The following JAK2 variants were observed in gnomAD, a reference collection of about 807,000 sequenced individuals.
JAK2 encodes the protein Janus kinase 2.
JAK2 carries 86 observed loss-of-function variants against 139.3 expected under a neutral mutation model. The observed-to-expected ratio is 0.62, with a 90% CI of 0.52 to 0.74. The LOEUF (loss-of-function observed/expected upper bound fraction) is 0.74, where lower values mean the gene tolerates loss of function less well. Ranked by LOEUF, JAK2 falls within the 30% of genes least tolerant of loss-of-function variation. JAK2 has a pLI of 0.00. For missense variants in JAK2, 1,421 were observed against 1,360.3 expected (o/e 1.04, Z -0.70); for synonymous variants, 490 against 437.7 (o/e 1.12, Z -1.49).
At chr9:5,065,372 G>A (rs1818496412) in intron 9 of JAK2, among the ~76,000 whole-genome samples, 1 of 152,260 alleles carries the variant, frequency 6.6e-6, no homozygotes, top group East Asian at 1.9e-4. Context: ...AAGCCACAGT[G>A]CAAAATTTGA....
intron 2 of JAK2, among the ~76,000 whole-genome samples, chr9:5,015,531 T>C (rs568973926): frequency 2.6e-5 from 2 of 76,158 alleles, no homozygotes; most frequent in African/African-American, 1.3e-4. Flanking sequence ...CTTTTTCTTT[T>C]TCTTTTCTTT....
chr9:4,992,262 T>A (rs1045535982), intron 2 of JAK2, among the ~76,000 whole-genome samples: 3 of 152,172 alleles, frequency 2.0e-5, no homozygotes, highest in African/African-American at 7.2e-5. Context: ...TATGGTGGCT[T>A]CAGGGTGGTC....
chr9:5,037,090 CA>C (rs1248112431), intron 4 of JAK2, among the ~76,000 whole-genome samples: 1 of 152,064 alleles, frequency 6.6e-6, no homozygotes, highest in Non-Finnish European at 1.5e-5. Flanking sequence ...TTTATGCAGC[CA>C]AAAGACATGA....
intron 2 of JAK2, among the ~76,000 whole-genome samples, chr9:4,995,802 G>A (rs1358970623): frequency 2.6e-5 from 4 of 152,044 alleles, no homozygotes; most frequent in Admixed American, 2.0e-4. Flanking sequence ...CTCTATTTCT[G>A]ATTTTAAACT....
At chr9:5,047,203 A>G (rs909485467) in intron 5 of JAK2, among the ~76,000 whole-genome samples, 16 of 152,176 alleles carry the variant, frequency 1.1e-4, no homozygotes, top group Admixed American at 3.3e-4. Flanking sequence ...ATTTTATATT[A>G]TATGCATGTT....
chr9:5,037,565 G>C (rs1376233025), intron 4 of JAK2, among the ~76,000 whole-genome samples: 1 of 152,156 alleles, frequency 6.6e-6, no homozygotes, highest in Non-Finnish European at 1.5e-5. Context: ...TAGGGACATG[G>C]ATGAAGCTGG....
In JAK2 at chr9:5,126,719, T is replaced by C. The variant is rs779671643; in HGVS notation, c.3327T>C (p.Asn1109=). 1.9e-6 allele frequency: 3 copies of C among 1,611,076 alleles called. No homozygotes were observed. Among genetic ancestry groups the C allele is most frequent in the Non-Finnish European group, 2.5e-6 (3 of 1,177,750 alleles). Residue 1109 remains asparagine (N), a synonymous_variant, in exon 25 of 25, where the codon AAT becomes AAC. Coordinates refer to ENST00000381652, the MANE Select transcript of JAK2 (RefSeq NM_004972.4). ...YMIMTECWNN[N]VNQRPSFRDL... is the part of the protein sequence containing the mutation. The stretch of plus-strand genomic sequence containing the variant: ...TCATGACAGAATGCTGGAACAATAA[T>C]GTAAATCAACGCCCCTCCTTTAGGG...
chr9:5,060,231 T>C (rs757934245), intron 8 of JAK2, among the ~76,000 whole-genome samples: 2 of 152,342 alleles, frequency 1.3e-5, no homozygotes, highest in Middle Eastern at 3.4e-3. Context: ...TTGATGTTGA[T>C]GGCTGCTGAC....
At chr9:4,993,178 G>C (rs1820361190) in intron 2 of JAK2, among the ~76,000 whole-genome samples, 1 of 152,126 alleles carries the variant, frequency 6.6e-6, no homozygotes, top group East Asian at 1.9e-4. Flanking sequence ...CTTTTGAGAG[G>C]AACTCTTTCC....
At chr9:4,996,494 G>A (rs935724639) in intron 2 of JAK2, among the ~76,000 whole-genome samples, 1 of 150,930 alleles carries the variant, frequency 6.6e-6, no homozygotes, top group Non-Finnish European at 1.5e-5. Context: ...ATAAATAGAA[G>A]TATACTATTC....
At chr9:5,035,017 A>C (rs972761679) in intron 4 of JAK2, among the ~76,000 whole-genome samples, 1 of 152,190 alleles carries the variant, frequency 6.6e-6, no homozygotes, top group South Asian at 2.1e-4. Context: ...AGAGAGAAGA[A>C]TCAAATACAT....
chr9:5,001,855 G>T (rs972758296), intron 2 of JAK2, among the ~76,000 whole-genome samples: 3 of 151,934 alleles, frequency 2.0e-5, no homozygotes, highest in Non-Finnish European at 4.4e-5. Flanking sequence ...TTATTGAAGA[G>T]ATATGATACT....
chr9:5,098,132 TTAGA>T (rs1821168253), intron 22 of JAK2: 1 of 152,144 alleles, frequency 6.6e-6, no homozygotes, highest in Non-Finnish European at 1.5e-5. Context: ...ATCTAGTAAT[TTAGA>T]GTGACTTTAT....
At chr9:5,064,539 A>T (rs1383437290) in intron 8 of JAK2, among the ~76,000 whole-genome samples, 1 of 152,030 alleles carries the variant, frequency 6.6e-6, no homozygotes, top group East Asian at 1.9e-4. Flanking sequence ...AAAAAAAAAA[A>T]AGAAAAAAGG....
At chr9:5,102,123 A>C (rs1355388722) in intron 22 of JAK2, among the ~76,000 whole-genome samples, 4 of 152,166 alleles carry the variant, frequency 2.6e-5, no homozygotes, top group Non-Finnish European at 5.9e-5. Context: ...AACCCATCGC[A>C]AGGAAGCTAA....
chr9:5,041,846 G>A (rs1265843796), intron 4 of JAK2: 2 of 470,744 alleles, frequency 4.2e-6, no homozygotes, highest in Non-Finnish European at 8.5e-6. Flanking sequence ...ATGGGGAGCT[G>A]AACGCGGACG....
intron 5 of JAK2, among the ~76,000 whole-genome samples, chr9:5,044,995 G>T (rs1171078812): frequency 6.6e-6 from 1 of 152,168 alleles, no homozygotes; most frequent in Non-Finnish European, 1.5e-5. Flanking sequence ...ACTGGATGTT[G>T]ATACTTAGTC....
chr9:5,106,277 G>A (rs1034825506), intron 22 of JAK2, among the ~76,000 whole-genome samples: 1 of 152,332 alleles, frequency 6.6e-6, no homozygotes, highest in Admixed American at 6.5e-5. Flanking sequence ...CATTTATGCA[G>A]CCAACAGACA....
intron 14 of JAK2, among the ~76,000 whole-genome samples, chr9:5,074,140 G>A (rs1049502027): frequency 6.6e-6 from 1 of 152,044 alleles, no homozygotes; most frequent in Admixed American, 6.6e-5. Context: ...TGAAGACAAA[G>A]CATATAAATG....
Sources: gnomAD v4.1 joint callset for allele counts (sites outside exome capture counted in the v4.1 genomes callset) on GRCh38, gnomAD v4.1.1 for gene constraint, MANE v1.5 for transcripts, NCBI Gene and HGNC (gene_info 2026-07-23, HGNC 2026-07-21) for gene names.